Variants in COG2 observed in about 807,000 individuals in gnomAD.
COG2 encodes conserved oligomeric Golgi complex subunit 2.
In COG2, 52 loss-of-function variants were observed where a neutral mutation model predicts 90.6. The ratio of observed to expected loss-of-function variants is 0.57; its 90% CI spans 0.46 to 0.72. The LOEUF (loss-of-function observed/expected upper bound fraction) is 0.72. COG2 is among the 30% of genes least tolerant of loss of function. The probability of loss-of-function intolerance (pLI) is 0.00; values close to 1 mark genes in which losing one functional copy is unlikely to be tolerated. For synonymous variants in COG2, 337 were observed against 320.4 expected, an observed-to-expected ratio of 1.05 and a Z score of -0.55; for missense variants, 829 against 891.2, an observed-to-expected ratio of 0.93 and a Z score of 0.89.
intron 5 of COG2, among the ~76,000 whole-genome samples, chr1:230,667,280 G>A (rs1558272866): frequency 6.6e-6 from 1 of 152,052 alleles, no homozygotes; most frequent in Non-Finnish European, 1.5e-5. Context: ...TTATATTATT[G>A]TATTATATTA....
chr1:230,654,066 T>A (rs1323653732), intron 1 of COG2, among the ~76,000 whole-genome samples: 1 of 152,200 alleles, frequency 6.6e-6, no homozygotes, highest in Admixed American at 6.5e-5. Context: ...ATTCTGTAGG[T>A]TGCCTGTTCA....
At chr1:230,678,204 AACTG>A (rs1662645226) in intron 9 of COG2, 2 of 985,422 alleles carry the variant, frequency 2.0e-6, no homozygotes, top group Non-Finnish European at 2.4e-6. Flanking sequence ...AGTTTTGGTC[AACTG>A]ACTGACTAGC....
chr1:230,644,860 C>T lies in COG2; in HGVS notation c.72+2182C>T, dbSNP rs1221273480. Among the ~76,000 whole-genome samples, 8 of 152,154 alleles carry T rather than the reference C, an allele frequency of 5.3e-5. No individual in the cohort carries two copies. In the South Asian group the frequency reaches 1.0e-3, roughly 20 times the overall value. ...GTTGGAACTGACTGGTGGCGGGAGG[C>T]TACTTAAAAAGTTATTTCAGTGGTT... On this transcript the variant is annotated intron_variant, in intron 1 of 17. Transcript: ENST00000366669.
intron 16 of COG2, 116 bp from the exon 17 acceptor site, chr1:230,691,268 G>A (rs1035101477): frequency 3.2e-5 from 27 of 835,012 alleles, no homozygotes; most frequent in South Asian, 1.8e-4. Context: ...TTGAATTTTC[G>A]TTGGAAGTGA....
At chr1:230,654,718 G>A (rs887926347) in intron 1 of COG2, among the ~76,000 whole-genome samples, 16 of 152,026 alleles carry the variant, frequency 1.1e-4, no homozygotes, top group South Asian at 2.1e-4. Flanking sequence ...TTGATTCTTC[G>A]TATCCATGAG....
chr1:230,662,943 C>T (rs1389401039), intron 3 of COG2, among the ~76,000 whole-genome samples, 198 bp from the exon 4 acceptor site: 2 of 152,168 alleles, frequency 1.3e-5, no homozygotes, highest in Non-Finnish European at 2.9e-5. Flanking sequence ...GCCAATCTTG[C>T]ATGACCTTGG....
rs753476484 is a variant in COG2 at position 230,671,655 on chromosome 1, C to G, written c.899+15C>G. On this transcript the variant is annotated intron_variant, in intron 8 of 17. Transcript: ENST00000366669. ...GCCATCTCCAGGTAATTTAAACAAC[C>G]CTGTGTGGACCCCCACCTCCCTTTC... is the stretch of plus-strand genomic sequence containing the variant. 192 of 1,610,898 alleles carry G rather than the reference C, an allele frequency of 1.2e-4. No homozygotes were observed. The highest frequency in any genetic ancestry group is 1.3e-4 in the Non-Finnish European group (156 of 1,178,638).
At position 230,659,579 on chromosome 1, in the gene COG2, T is replaced by C. The variant is rs764751586; in HGVS notation, c.188T>C (p.Leu63Pro). The change falls in exon 2 of 18, where the codon CTC becomes CCC. Residue 63 changes from leucine to proline, a missense_variant. By Grantham distance (98) the Leu-to-Pro change is moderately conservative. Coordinates refer to ENST00000366669, the MANE Select transcript of COG2 (RefSeq NM_007357.3). ...CTTCTTAAAACAGCCATGGTCGAAC[T>C]CATCAACAAGGATTATGCAGATTTT... is the stretch of plus-strand genomic sequence containing the variant. ...YKLLKTAMVE[L>P]INKDYADFVN... 1 of 1,614,028 alleles carries C rather than the reference T, an allele frequency of 6.2e-7. No individual in the cohort carries two copies. Among genetic ancestry groups the C allele is most frequent in the Non-Finnish European group, 8.5e-7 (1 of 1,179,976 alleles).
chr1:230,646,749 A>G (rs996724873), intron 1 of COG2, among the ~76,000 whole-genome samples: 4 of 152,014 alleles, frequency 2.6e-5, no homozygotes, highest in South Asian at 2.1e-4. Flanking sequence ...GGTATTACCT[A>G]TCTCAGGTAA....
At chr1:230,659,283 C>A (rs1394764066) in intron 1 of COG2, among the ~76,000 whole-genome samples, 181 bp from the exon 2 acceptor site, 1 of 152,162 alleles carries the variant, frequency 6.6e-6, no homozygotes, top group African/African-American at 2.4e-5. Flanking sequence ...CTTCTTGGCA[C>A]CTTTATAAAG....
chr1:230,684,938 G>A (rs1241913004), intron 11 of COG2, 147 bp from the exon 12 acceptor site: 1 of 857,452 alleles, frequency 1.2e-6, no homozygotes, highest in African/African-American at 1.7e-5. Context: ...TCATCCCTGT[G>A]CCTCCAACAG....
Position 230,642,507 on chromosome 1 carries a change from G to T in COG2, c.-100G>T. The T allele has an allele frequency of 8.4e-7, 1 of 1,191,522 alleles. No individual in the cohort carries two copies. Among genetic ancestry groups the T allele is most frequent in the Non-Finnish European group, 1.2e-6 (1 of 827,802 alleles). 73.8% of individuals were successfully genotyped at this position (1,191,522 alleles called of 1,614,324 possible). A position where few individuals can be genotyped will look rare whatever the true frequency, so the allele number is the denominator to read the frequency against. ...TGTTGGCGGAAGCGGACCCCCCTGTGCCGTGGAAACTGGCGGTGGCCGCGG... is the reference window on the plus strand; with the variant it reads ...TGTTGGCGGAAGCGGACCCCCCTGTTCCGTGGAAACTGGCGGTGGCCGCGG... On this transcript the variant is annotated 5_prime_UTR_variant, in exon 1 of 18. Coordinates refer to ENST00000366669, the MANE Select transcript of COG2 (RefSeq NM_007357.3).
At chr1:230,654,302 G>A (rs1483290982) in intron 1 of COG2, among the ~76,000 whole-genome samples, 1 of 152,164 alleles carries the variant, frequency 6.6e-6, no homozygotes, top group Non-Finnish European at 1.5e-5. Flanking sequence ...CAAGGTGTAA[G>A]GAAGGGGTCC....
chr1:230,690,778 A>T (rs1260848924), intron 16 of COG2, among the ~76,000 whole-genome samples: 1 of 152,230 alleles, frequency 6.6e-6, no homozygotes, highest in East Asian at 1.9e-4. Flanking sequence ...TTATGGGTTA[A>T]TTTAGAACAT....
intron 15 of COG2, 175 bp from the exon 16 acceptor site, chr1:230,689,839 G>C (rs1662979099): frequency 1.7e-6 from 1 of 583,034 alleles, no homozygotes; most frequent in Non-Finnish European, 3.0e-6. Context: ...ATTCCCTCAT[G>C]TTCTCCAGGC....
At chr1:230,675,243 C>A in intron 9 of COG2, 119 bp downstream of exon 9, 2 of 1,173,160 alleles carry the variant, frequency 1.7e-6, no homozygotes, top group South Asian at 2.2e-5. Flanking sequence ...ATTTGAGTTG[C>A]TAAGTGAACA....
chr1:230,676,053 A>T (rs551617052), intron 9 of COG2, among the ~76,000 whole-genome samples: 1 of 152,142 alleles, frequency 6.6e-6, no homozygotes, highest in Non-Finnish European at 1.5e-5. Flanking sequence ...TTTCCATTCT[A>T]TCATTTTAAA....
At chr1:230,672,929 T>C (rs1662487731) in intron 8 of COG2, among the ~76,000 whole-genome samples, 1 of 152,190 alleles carries the variant, frequency 6.6e-6, no homozygotes, top group Admixed American at 6.5e-5. Context: ...GAGCAAGCAA[T>C]GTATTTGGCC....
chr1:230,685,045 G>T (rs1662853936), intron 11 of COG2, 40 bp from the exon 12 acceptor site: 5 of 1,609,528 alleles, frequency 3.1e-6, no homozygotes, highest in Non-Finnish European at 3.4e-6. Context: ...AAAATTGCCT[G>T]AAATTCCTTA....
Sources: allele counts gnomAD v4.1 joint callset (sites outside exome capture counted in the v4.1 genomes callset), GRCh38; gene constraint gnomAD v4.1.1; transcripts MANE v1.5; gene names NCBI Gene and HGNC (gene_info 2026-07-23, HGNC 2026-07-21).